The following EPB41L2 variants were observed in gnomAD, a reference collection of about 807,000 sequenced individuals.
EPB41L2 encodes the protein erythrocyte membrane protein band 4.1 like 2.
Under a neutral mutation model 113.0 loss-of-function variants are expected in EPB41L2, and 43 were observed. That is an observed-to-expected ratio of 0.38 (90% CI 0.30 to 0.49). The LOEUF (loss-of-function observed/expected upper bound fraction) is 0.49, where lower values mean the gene tolerates loss of function less well. Among genes scored for constraint, EPB41L2 ranks in the 20% least tolerant of loss-of-function variants. EPB41L2 has a pLI of 0.95. For missense variants in EPB41L2, 1,147 were observed against 1,223.4 expected, an observed-to-expected ratio of 0.94 and a Z score of 0.93; for synonymous variants, 442 against 436.7, an observed-to-expected ratio of 1.01 and a Z score of -0.15.
chr6:131,017,614 A>G (rs1000565855), intron 1 of EPB41L2, among the ~76,000 whole-genome samples: 1 of 152,208 alleles, frequency 6.6e-6, no homozygotes, highest in African/African-American at 2.4e-5. Flanking sequence ...GGTTGGTTCC[A>G]AAGTTTTGCT....
At chr6:130,841,471 T>C (rs1381510755) in intron 19 of EPB41L2, among the ~76,000 whole-genome samples, 1 of 152,048 alleles carries the variant, frequency 6.6e-6, no homozygotes, top group African/African-American at 2.4e-5. Context: ...GTGGCTTCAG[T>C]GTGATGAATA....
At chr6:130,961,629 G>A (rs946580128) in intron 1 of EPB41L2, among the ~76,000 whole-genome samples, 1 of 152,186 alleles carries the variant, frequency 6.6e-6, no homozygotes, top group African/African-American at 2.4e-5. Context: ...AGGGGTTCAT[G>A]CTAATTCTTG....
At position 130,878,258 on chromosome 6, in the gene EPB41L2, T is replaced by C. The variant is rs1788177007; in HGVS notation, c.1897-8A>G. The C allele has an allele frequency of 6.3e-7, 1 of 1,596,430 alleles. No individual in the cohort carries two copies. Among genetic ancestry groups the C allele is most frequent in the Non-Finnish European group, 8.5e-7 (1 of 1,174,256 alleles). ...CTGGGCCTTATCCAGTTCCTAGCAA[T>C]ATGTAACGTAACAAAGGGGGGAAAA... On this transcript the variant is annotated splice_region_variant and splice_polypyrimidine_tract_variant and intron_variant, in intron 13 of 19. Transcript: ENST00000337057.
At chr6:130,979,131 T>C (rs978600583) in intron 1 of EPB41L2, among the ~76,000 whole-genome samples, 1 of 152,132 alleles carries the variant, frequency 6.6e-6, no homozygotes, top group Admixed American at 6.6e-5. Context: ...GAAAATGCTA[T>C]TAACTTTGTA....
intron 3 of EPB41L2, among the ~76,000 whole-genome samples, chr6:130,953,774 C>T (rs1287704850): frequency 1.3e-5 from 2 of 151,930 alleles, no homozygotes; most frequent in Non-Finnish European, 2.9e-5. Context: ...CTGCCTTGTC[C>T]TTCCATCAGG....
At chr6:131,056,648 C>T (rs1797655045) in intron 1 of EPB41L2, among the ~76,000 whole-genome samples, 1 of 152,200 alleles carries the variant, frequency 6.6e-6, no homozygotes, top group African/African-American at 2.4e-5. Context: ...CTTAACCTAA[C>T]AATTTTTACA....
chr6:130,982,323 T>A (rs6932317), intron 1 of EPB41L2, among the ~76,000 whole-genome samples: 126,238 of 152,156 alleles, frequency 0.83, 52,875 homozygotes, highest in East Asian at 1. Context: ...CAACAACAAC[T>A]ACAAAAAATC....
chr6:131,041,653 A>G (rs1001113726), intron 1 of EPB41L2, among the ~76,000 whole-genome samples: 1 of 152,204 alleles, frequency 6.6e-6, no homozygotes, highest in Non-Finnish European at 1.5e-5. Flanking sequence ...GATGCAATCA[A>G]CAAATTCCAG....
At chr6:130,971,338 T>C (rs1776724043) in intron 1 of EPB41L2, among the ~76,000 whole-genome samples, 1 of 152,244 alleles carries the variant, frequency 6.6e-6, no homozygotes, top group Non-Finnish European at 1.5e-5. Context: ...CCATAGATCT[T>C]AGCAACCTCA....
rs572513528 is a variant in EPB41L2, at chr6:130,870,111, G to A, written c.2059C>T (p.Leu687=). 1.1e-5 allele frequency: 17 copies of A among 1,610,426 alleles called. No homozygotes were observed. In the East Asian group the frequency reaches 3.6e-4, roughly 34 times the overall value. Residue 687 remains leucine (L), a synonymous_variant, in exon 15 of 20, where the codon CTG becomes TTG. Coordinates refer to ENST00000337057, the MANE Select transcript of EPB41L2 (RefSeq NM_001431.4). ...CGCTTCTTCTCCTCCACTATATTCA[G>A]AGTCTCATGTGAACTCTGTACAAAA... ...LQTQGSSHET[L]NIVEEKKRAE... is the part of the protein sequence containing the mutation.
At chr6:130,859,621 A>G (rs1005651710) in intron 18 of EPB41L2, among the ~76,000 whole-genome samples, 1 of 152,040 alleles carries the variant, frequency 6.6e-6, no homozygotes, top group African/African-American at 2.4e-5. Context: ...AAGCCATGCA[A>G]TTTTTTCTTT....
At chr6:130,894,925 C>A in intron 9 of EPB41L2, 42 bp downstream of exon 9, 1 of 1,561,948 alleles carries the variant, frequency 6.4e-7, no homozygotes, top group Non-Finnish European at 8.7e-7. Flanking sequence ...TGGTCGTAAA[C>A]AGGCCGACTA....
intron 1 of EPB41L2, among the ~76,000 whole-genome samples, chr6:130,989,788 T>C (rs1034496067): frequency 2.0e-5 from 3 of 152,142 alleles, no homozygotes; most frequent in African/African-American, 7.2e-5. Flanking sequence ...AAAGTGTCAG[T>C]GGAACGAAGT....
At chr6:130,955,051 T>A in intron 3 of EPB41L2, 54 bp downstream of exon 3, 1 of 1,499,204 alleles carries the variant, frequency 6.7e-7, no homozygotes, top group Non-Finnish European at 9.3e-7. Context: ...CTATTCATCA[T>A]GCCATGCCAC....
intron 1 of EPB41L2, among the ~76,000 whole-genome samples, chr6:131,028,912 T>A (rs565660372): frequency 6.6e-6 from 1 of 152,308 alleles, no homozygotes; most frequent in South Asian, 2.1e-4. Flanking sequence ...CATGTATACA[T>A]ACAAATGCTA....
In EPB41L2 at chr6:130,885,288, T is replaced by C. The variant is rs895934940; in HGVS notation, c.1661-20A>G. On this transcript the variant is annotated intron_variant, in intron 11 of 19. Coordinates refer to ENST00000337057, the MANE Select transcript of EPB41L2 (RefSeq NM_001431.4). ...TCGGAGCTAGTAAAGAGTGACAATTTTGGATTATTTTAGGACATATGAATC... is the reference window on the plus strand; with the variant it reads ...TCGGAGCTAGTAAAGAGTGACAATTCTGGATTATTTTAGGACATATGAATC... 9 of 1,613,608 alleles carry C rather than the reference T, an allele frequency of 5.6e-6. No individual in the cohort carries two copies. The Admixed American group carries it at 1.0e-4, about 18-fold the overall frequency.
In EPB41L2 at chr6:130,980,640, G is replaced by A. The variant is rs189287461; in HGVS notation, c.-14-24141C>T. Among the ~76,000 whole-genome samples, 293 of 152,170 alleles carry A rather than the reference G, an allele frequency of 1.9e-3. 1 individual carries two copies. The highest frequency in any genetic ancestry group is 6.8e-3 in the Middle Eastern group (2 of 294). On this transcript the variant is annotated intron_variant, in intron 1 of 19. Coordinates refer to ENST00000337057, the MANE Select transcript of EPB41L2 (RefSeq NM_001431.4). The stretch of plus-strand genomic sequence containing the variant: ...GAAATTTATAGGAGGCCATTGTTTT[G>A]GACTAGCCTCCTGCACTAGGCTCCA...
intron 4 of EPB41L2, among the ~76,000 whole-genome samples, chr6:130,918,415 AAG>A (rs1281180840): frequency 4.6e-5 from 7 of 152,166 alleles, no homozygotes; most frequent in Non-Finnish European, 1.0e-4. Context: ...TTTCCCTTTA[AAG>A]AGAGTCCAAA....
chr6:131,008,568 T>C (rs1298601037), intron 1 of EPB41L2, among the ~76,000 whole-genome samples: 1 of 152,108 alleles, frequency 6.6e-6, no homozygotes, highest in Non-Finnish European at 1.5e-5. Context: ...CCCAGAACGG[T>C]AGATTCACCA....
Sources: gnomAD v4.1 joint callset for allele counts (sites outside exome capture counted in the v4.1 genomes callset) on GRCh38, gnomAD v4.1.1 for gene constraint, MANE v1.5 for transcripts, NCBI Gene and HGNC (gene_info 2026-07-23, HGNC 2026-07-21) for gene names.